MOXD1: variants seen among roughly 807,000 people sequenced by gnomAD.
MOXD1 encodes the protein monooxygenase DBH like 1.
A neutral mutation model predicts 66.6 loss-of-function variants in MOXD1; 62 were observed. The observed-to-expected ratio is 0.93, with a 90% confidence interval of 0.76 to 1.15. The LOEUF (loss-of-function observed/expected upper bound fraction) is 1.15. Among genes scored for constraint, MOXD1 ranks in the 50% most tolerant of loss-of-function variants. MOXD1 has a pLI of 0.00. For synonymous variants in MOXD1, 303 were observed against 281.9 expected, an observed-to-expected ratio of 1.07 and a Z score of -0.75; for missense variants, 847 against 754.6, an observed-to-expected ratio of 1.12 and a Z score of -1.44.
Position 132,384,285 on chromosome 6 carries a change from C to CCTT in MOXD1, c.265-9511_265-9509dup, listed in dbSNP as rs201644226. ...TCCTTCCTTCCTTCCTTCCTTCCTT[C>CCTT]CTTCCTCCTTCCTTCCTCCCTCCCT... On this transcript the variant is annotated intron_variant, in intron 1 of 11. Coordinates refer to ENST00000367963, the MANE Select transcript of MOXD1 (RefSeq NM_015529.4). 3.2e-3 allele frequency among the ~76,000 whole-genome samples: 308 copies of CCTT among 94,978 alleles called. 1 individual carries two copies. In the East Asian group the frequency reaches 0.096, roughly 30 times the overall value. The allele number at this position is 94,978 out of a possible 152,430, so 62.3% of individuals were successfully genotyped here. A position where few individuals can be genotyped will look rare whatever the true frequency, so the allele number is the denominator to read the frequency against.
chr6:132,303,835 GTA>G (rs1158339059), intron 10 of MOXD1, among the ~76,000 whole-genome samples: 3,800 of 47,092 alleles, frequency 0.081, 24 homozygotes, highest in Non-Finnish European at 0.12. Context: ...GTGTGTGTGT[GTA>G]TATATATATA....
chr6:132,308,056 C>T (rs772777419), intron 10 of MOXD1, among the ~76,000 whole-genome samples: 8 of 142,134 alleles, frequency 5.6e-5, no homozygotes, highest in Non-Finnish European at 1.2e-4. Context: ...GAAAAACTCT[C>T]AAAAAAATCA....
In MOXD1 at chr6:132,355,279, G is replaced by C. The variant is rs562172465; in HGVS notation, c.663+17329C>G. 1.6e-4 allele frequency among the ~76,000 whole-genome samples: 24 copies of C among 152,222 alleles called. 1 individual carries two copies. The South Asian group carries it at 4.6e-3, about 29-fold the overall frequency. On this transcript the variant is annotated intron_variant, in intron 4 of 11. Coordinates refer to ENST00000367963, the MANE Select transcript of MOXD1 (RefSeq NM_015529.4). ...TCCCAAAAGATCCCTGTGGTACCAA[G>C]CAGGGATGGCATGCTTAGGGACCCA... is the stretch of plus-strand genomic sequence containing the variant.
chr6:132,310,882 G>T (rs146774610), intron 10 of MOXD1, among the ~76,000 whole-genome samples: 61 of 151,874 alleles, frequency 4.0e-4, no homozygotes, highest in African/African-American at 1.5e-3. Flanking sequence ...ATAGAAGATG[G>T]GCCAATAAGT....
At chr6:132,385,148 A>C (rs1375020630) in intron 1 of MOXD1, among the ~76,000 whole-genome samples, 1 of 152,200 alleles carries the variant, frequency 6.6e-6, no homozygotes, top group Non-Finnish European at 1.5e-5. Context: ...AAAGCTAACA[A>C]GAAGTGCCAT....
At chr6:132,331,230 G>C (rs1775310645) in intron 4 of MOXD1, among the ~76,000 whole-genome samples, 1 of 152,174 alleles carries the variant, frequency 6.6e-6, no homozygotes, top group Non-Finnish European at 1.5e-5. Flanking sequence ...GATGTCAACA[G>C]TAAAATATTC....
chr6:132,340,740 G>A (rs373678033), intron 4 of MOXD1, among the ~76,000 whole-genome samples: 5 of 141,032 alleles, frequency 3.5e-5, no homozygotes, highest in East Asian at 2.4e-4. Flanking sequence ...TCCGCCTCCC[G>A]GGTTCACGCC....
chr6:132,365,739 C>T (rs556794362), intron 4 of MOXD1, among the ~76,000 whole-genome samples: 2 of 152,306 alleles, frequency 1.3e-5, no homozygotes, highest in Non-Finnish European at 2.9e-5. Context: ...GTAGATGTAA[C>T]TCAAGAGGAT....
intron 4 of MOXD1, among the ~76,000 whole-genome samples, chr6:132,360,769 C>T (rs1007480677): frequency 2.0e-5 from 3 of 152,200 alleles, no homozygotes; most frequent in Admixed American, 2.0e-4. Context: ...CAAGACATAG[C>T]ACTGAATGCT....
In MOXD1 at chr6:132,367,295, G is replaced by C. The variant is rs139888674; in HGVS notation, c.663+5313C>G. ...ATCAACAGATTAGCAATTGAGTGTT[G>C]CTAGTGATCTACAAAATTTTATTGA... is the stretch of plus-strand genomic sequence containing the variant. On this transcript the variant is annotated intron_variant, in intron 4 of 11. Transcript: ENST00000367963. Among the ~76,000 whole-genome samples, 49 of 152,158 alleles carry C rather than the reference G, an allele frequency of 3.2e-4. No individual in the cohort carries two copies. The East Asian group carries it at 8.9e-3, about 28-fold the overall frequency.
intron 4 of MOXD1, among the ~76,000 whole-genome samples, chr6:132,350,485 T>C (rs2114625150): frequency 6.6e-6 from 1 of 152,352 alleles, no homozygotes; most frequent in South Asian, 2.1e-4. Flanking sequence ...TTGGTCTATG[T>C]GCCTATTTTT....
intron 4 of MOXD1, among the ~76,000 whole-genome samples, chr6:132,337,331 T>C (rs1775461240): frequency 6.6e-6 from 1 of 152,254 alleles, no homozygotes; most frequent in African/African-American, 2.4e-5. Context: ...CTGAAATTTT[T>C]TTCTTCACAT....
At chr6:132,301,238 A>T (rs992457720) in intron 10 of MOXD1, among the ~76,000 whole-genome samples, 1 of 150,864 alleles carries the variant, frequency 6.6e-6, no homozygotes, top group Non-Finnish European at 1.5e-5. Flanking sequence ...GTAGTCAATA[A>T]AAAACAGTGT....
At chr6:132,401,035 C>G in intron 1 of MOXD1, 128 bp downstream of exon 1, 1 of 1,212,426 alleles carries the variant, frequency 8.2e-7, no homozygotes, top group South Asian at 1.8e-5. Flanking sequence ...TGAGCGTGGC[C>G]GGGGGCGCGG....
chr6:132,298,317 G>A (rs909603648), intron 10 of MOXD1, among the ~76,000 whole-genome samples: 5 of 152,104 alleles, frequency 3.3e-5, no homozygotes, highest in East Asian at 1.9e-4. Context: ...CACCATGCCC[G>A]GTCAAAATTT....
At chr6:132,305,093 C>T (rs776333806) in intron 10 of MOXD1, among the ~76,000 whole-genome samples, 3 of 152,168 alleles carry the variant, frequency 2.0e-5, no homozygotes, top group African/African-American at 7.2e-5. Context: ...CACTAGGACT[C>T]GCAACTGCCT....
At position 132,320,630 on chromosome 6, in the gene MOXD1, C is replaced by A; in HGVS notation, c.1364G>T (p.Trp455Leu). The change falls in exon 9 of 12, where the codon TGG becomes TTG. Residue 455 changes from tryptophan (W) to leucine (L), a missense_variant and splice_region_variant. By Grantham distance (61) the Trp-to-Leu change is moderately conservative. Coordinates refer to ENST00000367963, the MANE Select transcript of MOXD1 (RefSeq NM_015529.4). ...YNTKDRAEMT[W>L]GGLSTRSEMC... is the part of the protein sequence containing the mutation. ...TAATAATAATAAAAGTTTTCTTACC[C>A]AAGTCATCTCAGCTCTATCTTTCGT... 1 of 1,603,552 alleles carries A rather than the reference C, an allele frequency of 6.2e-7. No individual in the cohort carries two copies. The highest frequency in any genetic ancestry group is 8.5e-7 in the Non-Finnish European group (1 of 1,175,160).
chr6:132,299,095 C>T (rs1391608084), intron 10 of MOXD1, among the ~76,000 whole-genome samples: 1 of 151,956 alleles, frequency 6.6e-6, no homozygotes, highest in Non-Finnish European at 1.5e-5. Flanking sequence ...TGTAGCCACA[C>T]AAAAAAAGAA....
intron 10 of MOXD1, among the ~76,000 whole-genome samples, chr6:132,312,887 T>C (rs1774862280): frequency 6.6e-6 from 1 of 152,070 alleles, no homozygotes; most frequent in African/African-American, 2.4e-5. Flanking sequence ...GTTTTTAACA[T>C]TCTCTCAAAT....
Sources: allele counts gnomAD v4.1 joint callset (sites outside exome capture counted in the v4.1 genomes callset), GRCh38; gene constraint gnomAD v4.1.1; transcripts MANE v1.5; gene names NCBI Gene and HGNC (gene_info 2026-07-23, HGNC 2026-07-21).